The following GRM5 variants were observed in gnomAD, a reference collection of about 807,000 sequenced individuals.
The protein encoded by GRM5 is glutamate metabotropic receptor 5, also known as metabotropic glutamate receptor 5.
Under a neutral mutation model 83.1 loss-of-function variants are expected in GRM5, and 19 were observed. The observed-to-expected ratio is 0.23, with a 90% confidence interval of 0.16 to 0.34. GRM5 has a LOEUF of 0.34. Among genes scored for constraint, GRM5 ranks in the 10% least tolerant of loss-of-function variants. GRM5 has a pLI of 1.00. For synonymous variants in GRM5, 675 were observed against 633.6 expected (o/e 1.07, Z -0.98); for missense variants, 1,160 against 1,588.3 (o/e 0.73, Z 4.58).
In GRM5 at chr11:88,920,430, C is replaced by CAAAAAA. The variant is rs1245962694; in HGVS notation, c.662-70281_662-70276dup. Among the ~76,000 whole-genome samples the CAAAAAA allele has an allele frequency of 8.3e-3, 89 of 10,666 alleles. 1 individual carries two copies. Among genetic ancestry groups the CAAAAAA allele is most frequent in the African/African-American group, 0.014 (83 of 5,742 alleles). The allele number at this position is 10,666 out of a possible 152,430, so 7.0% of individuals were successfully genotyped here. ...CTCCCAGCCAAAAAAAAAAAAAAAC[C>CAAAAAA]AAAAAAAAAAAAACCTCAGGGCCCA... On this transcript the variant is annotated intron_variant, in intron 2 of 9. Transcript: ENST00000305447.
chr11:88,647,343 A>G (rs1348725277), intron 4 of GRM5, among the ~76,000 whole-genome samples: 1 of 144,282 alleles, frequency 6.9e-6, no homozygotes, highest in Non-Finnish European at 1.5e-5. Flanking sequence ...GCACTCCTTA[A>G]AAAAAGTATA....
At chr11:88,672,755 T>C (rs1355777938) in intron 3 of GRM5, among the ~76,000 whole-genome samples, 1 of 151,980 alleles carries the variant, frequency 6.6e-6, no homozygotes, top group Non-Finnish European at 1.5e-5. Flanking sequence ...ACAGCAATAA[T>C]GTTATAAAAA....
intron 1 of GRM5, among the ~76,000 whole-genome samples, chr11:89,049,610 C>G (rs1169767574): frequency 6.6e-6 from 1 of 152,206 alleles, no homozygotes; most frequent in Admixed American, 6.5e-5. Flanking sequence ...TTTCTAATCA[C>G]TCCTACCATC....
intron 3 of GRM5, among the ~76,000 whole-genome samples, chr11:88,660,999 G>T (rs1939890128): frequency 6.6e-6 from 1 of 152,180 alleles, no homozygotes; most frequent in Admixed American, 6.6e-5. Context: ...AACAAGTATT[G>T]TGTAACTAAT....
intron 2 of GRM5, among the ~76,000 whole-genome samples, chr11:89,040,139 A>AT (rs1269392942): frequency 3.9e-5 from 6 of 152,026 alleles, no homozygotes; most frequent in Non-Finnish European, 4.4e-5. Flanking sequence ...GCCTGTTTGT[A>AT]TAAAAAAAAA....
intron 3 of GRM5, among the ~76,000 whole-genome samples, chr11:88,716,757 C>T (rs1565198829): frequency 6.6e-6 from 1 of 151,836 alleles, no homozygotes; most frequent in Non-Finnish European, 1.5e-5. Context: ...TATATTTAAC[C>T]CATGGTTATG....
At chr11:88,783,212 G>T (rs1212567328) in intron 3 of GRM5, among the ~76,000 whole-genome samples, 1 of 152,058 alleles carries the variant, frequency 6.6e-6, no homozygotes, top group East Asian at 1.9e-4. Context: ...GTAATTTTGG[G>T]ACATCTTCAA....
At chr11:88,795,382 A>C (rs1943257653) in intron 3 of GRM5, among the ~76,000 whole-genome samples, 1 of 152,150 alleles carries the variant, frequency 6.6e-6, no homozygotes, top group Non-Finnish European at 1.5e-5. Context: ...AGACATCATA[A>C]AGGAAAGGCT....
At chr11:88,803,304 A>T (rs1347511425) in intron 3 of GRM5, among the ~76,000 whole-genome samples, 1 of 151,940 alleles carries the variant, frequency 6.6e-6, no homozygotes, top group East Asian at 1.9e-4. Context: ...GGCTACAGTA[A>T]CCAAAACAGC....
At chr11:88,757,941 G>T (rs141038778) in intron 3 of GRM5, among the ~76,000 whole-genome samples, 335 of 152,196 alleles carry the variant, frequency 2.2e-3, no homozygotes, top group Non-Finnish European at 3.3e-3. Context: ...AGTCAGACTC[G>T]CAAGTCCCCT....
At chr11:88,598,341 C>T (rs946329257) in intron 5 of GRM5, among the ~76,000 whole-genome samples, 3 of 152,012 alleles carry the variant, frequency 2.0e-5, no homozygotes, top group African/African-American at 7.2e-5. Flanking sequence ...ATGTTCTGTA[C>T]AGAAATACTG....
intron 4 of GRM5, among the ~76,000 whole-genome samples, chr11:88,629,953 T>C (rs73542150): frequency 0.046 from 6,968 of 152,224 alleles, 296 homozygotes; most frequent in African/African-American, 0.12. Flanking sequence ...TATCTTCTAC[T>C]TGTTTCCCCA....
intron 3 of GRM5, among the ~76,000 whole-genome samples, chr11:88,750,949 A>G (rs761692901): frequency 1.1e-4 from 17 of 152,062 alleles, no homozygotes; most frequent in Non-Finnish European, 2.9e-5. Context: ...CAATGCCCAC[A>G]TCAAAAACTA....
intron 2 of GRM5, among the ~76,000 whole-genome samples, chr11:88,968,359 G>C (rs867440789): frequency 3.3e-5 from 5 of 152,024 alleles, no homozygotes; most frequent in African/African-American, 1.2e-4. Flanking sequence ...GTAGAATAGT[G>C]GTTTCCAGGA....
chr11:88,732,809 C>A (rs1941833805), intron 3 of GRM5, among the ~76,000 whole-genome samples: 1 of 151,954 alleles, frequency 6.6e-6, no homozygotes, highest in Admixed American at 6.6e-5. Context: ...GTCCCCTGCC[C>A]ACCCCTCTGG....
chr11:88,895,304 C>G lies in GRM5; in HGVS notation c.662-45149G>C, dbSNP rs562772969. ...TTCCTCATCAGTAAAGTGGAGGTAACCCTACATCCTAGTTAGGCTATAAAG... is the reference window on the plus strand; with the variant it reads ...TTCCTCATCAGTAAAGTGGAGGTAAGCCTACATCCTAGTTAGGCTATAAAG... On this transcript the variant is annotated intron_variant, in intron 2 of 9. Coordinates refer to ENST00000305447, the MANE Select transcript of GRM5 (RefSeq NM_001143831.3). 5.3e-5 allele frequency among the ~76,000 whole-genome samples: 8 copies of G among 151,928 alleles called. No homozygotes were observed. In the South Asian group the frequency reaches 1.4e-3, roughly 28 times the overall value.
intron 2 of GRM5, among the ~76,000 whole-genome samples, chr11:88,886,822 A>G (rs559194002): frequency 6.6e-6 from 1 of 152,268 alleles, no homozygotes; most frequent in East Asian, 1.9e-4. Flanking sequence ...TTTATAGTTC[A>G]GGGAGGTAAT....
At chr11:88,768,669 G>A (rs1437907649) in intron 3 of GRM5, among the ~76,000 whole-genome samples, 1 of 151,774 alleles carries the variant, frequency 6.6e-6, no homozygotes, top group Admixed American at 6.6e-5. Flanking sequence ...ACACCTGAAA[G>A]GTCATCACAC....
chr11:88,806,008 C>T (rs1943493755), intron 3 of GRM5, among the ~76,000 whole-genome samples: 2 of 152,192 alleles, frequency 1.3e-5, no homozygotes, highest in South Asian at 4.1e-4. Flanking sequence ...CTGCCAATAG[C>T]ACTGGAAAGG....
Sources: gnomAD v4.1 joint callset for allele counts (sites outside exome capture counted in the v4.1 genomes callset) on GRCh38, gnomAD v4.1.1 for gene constraint, MANE v1.5 for transcripts, NCBI Gene and HGNC (gene_info 2026-07-23, HGNC 2026-07-21) for gene names.